The following RGS6 variants were observed in gnomAD, a reference collection of about 807,000 sequenced individuals.
RGS6 encodes regulator of G protein signaling 6.
A neutral mutation model predicts 78.5 loss-of-function variants in RGS6; 30 were observed. The observed-to-expected ratio is 0.38, with a 90% CI of 0.29 to 0.52. The LOEUF is 0.52. Among genes scored for constraint, RGS6 ranks in the 20% least tolerant of loss-of-function variants. The pLI, the probability that RGS6 is intolerant of heterozygous loss-of-function variation, is 0.85. For missense variants in RGS6, 495 were observed against 609.7 expected (o/e 0.81, Z 1.98); for synonymous variants, 206 against 206.0 (o/e 1.00, Z 0.00).
chr14:72,353,841 G>A lies in RGS6; in HGVS notation c.184+1647G>A, dbSNP rs1001857004. Among the ~76,000 whole-genome samples, 14 of 151,960 alleles carry A rather than the reference G, an allele frequency of 9.2e-5. 1 individual carries two copies. Among genetic ancestry groups the A allele is most frequent in the South Asian group, 4.2e-4 (2 of 4,810 alleles). On this transcript the variant is annotated intron_variant, in intron 3 of 17. Coordinates refer to ENST00000553525, the MANE Select transcript of RGS6 (RefSeq NM_001204424.2). The stretch of plus-strand genomic sequence containing the variant: ...TTACTAAAAAATACAAAAATTAGCC[G>A]GGCGTAGTGGTGCGTGCCTGTAGTC...
intron 2 of RGS6, among the ~76,000 whole-genome samples, chr14:72,277,056 A>G (rs1332887294): frequency 6.6e-6 from 1 of 152,200 alleles, no homozygotes; most frequent in Admixed American, 6.5e-5. Context: ...TTCAATCCAT[A>G]CATATTGAAT....
chr14:72,620,799 C>T, the RGS6 span, among the ~76,000 whole-genome samples: 3 of 152,242 alleles, frequency 2.0e-5, no homozygotes, highest in Admixed American at 1.3e-4. Flanking sequence ...CATTTAAATG[C>T]ATTTTCCTTT....
chr14:72,561,566 G>A (rs530678971), intron 17 of RGS6, among the ~76,000 whole-genome samples: 130 of 152,304 alleles, frequency 8.5e-4, no homozygotes, highest in African/African-American at 2.9e-3. Flanking sequence ...GTGCCCAGTC[G>A]CAACTCCCCT....
intron 1 of RGS6, among the ~76,000 whole-genome samples, chr14:71,934,854 G>C (rs916284563): frequency 3.9e-5 from 6 of 152,218 alleles, no homozygotes; most frequent in Non-Finnish European, 4.4e-5. Flanking sequence ...CTAAGACTTT[G>C]CCAGGAATTG....
At chr14:71,973,546 A>G (rs985576639) in intron 2 of RGS6, among the ~76,000 whole-genome samples, 1 of 152,102 alleles carries the variant, frequency 6.6e-6, no homozygotes, top group Non-Finnish European at 1.5e-5. Flanking sequence ...TTGGCCAGGC[A>G]TGGTGGCACA....
intron 2 of RGS6, among the ~76,000 whole-genome samples, chr14:72,184,015 T>C (rs1413233205): frequency 6.6e-6 from 1 of 152,226 alleles, no homozygotes; most frequent in East Asian, 1.9e-4. Flanking sequence ...TGGGTTTGAA[T>C]GTTCTGTAGT....
At position 72,564,340 on chromosome 14, in the gene RGS6, C is replaced by T. The variant is rs984866575; in HGVS notation, c.*1873C>T. On this transcript the variant is annotated 3_prime_UTR_variant, in exon 18 of 18. Transcript: ENST00000553525. ...TTCTTGCTGGACACCTGCACATGCT[C>T]AGCACAGAGGCTGGTACTTTGGAGG... is the stretch of plus-strand genomic sequence containing the variant. 1 of 152,284 alleles carries T rather than the reference C, an allele frequency of 6.6e-6. No homozygotes were observed. Among genetic ancestry groups the T allele is most frequent in the African/African-American group, 2.4e-5 (1 of 41,470 alleles). 9.4% of individuals were successfully genotyped at this position (152,284 alleles called of 1,614,324 possible).
At chr14:72,340,253 A>G (rs561252605) in intron 2 of RGS6, among the ~76,000 whole-genome samples, 1 of 152,306 alleles carries the variant, frequency 6.6e-6, no homozygotes, top group East Asian at 1.9e-4. Flanking sequence ...TCATGTGCTC[A>G]CTGGAGCAGT....
intron 2 of RGS6, among the ~76,000 whole-genome samples, chr14:72,148,051 A>T (rs1241720921): frequency 6.6e-6 from 1 of 150,546 alleles, no homozygotes; most frequent in East Asian, 2.0e-4. Context: ...GAATGGCATG[A>T]ACCTGGGAGG....
chr14:72,355,936 G>C (rs2139596), intron 3 of RGS6, among the ~76,000 whole-genome samples: 58,326 of 151,982 alleles, frequency 0.38, 13,522 homozygotes, highest in African/African-American at 0.66. Context: ...AAGAAAATAA[G>C]GAGAGTGGGG....
rs542852649 is a variant in RGS6 at position 72,566,289 on chromosome 14, C to T, written c.*3822C>T. On this transcript the variant is annotated 3_prime_UTR_variant, in exon 18 of 18. Coordinates refer to ENST00000553525, the MANE Select transcript of RGS6 (RefSeq NM_001204424.2). ...CAGGACTTGGCCCTCTCCCCAGCCC[C>T]GATGAGGGCTCAGAGCCAGCTGCTG... 4 of 152,324 alleles carry T rather than the reference C, an allele frequency of 2.6e-5. No individual in the cohort carries two copies. The highest frequency in any genetic ancestry group is 2.0e-4 in the Admixed American group (3 of 15,300). The allele number at this position is 152,324 out of a possible 1,614,324, so 9.4% of individuals were successfully genotyped here. A position where few individuals can be genotyped will look rare whatever the true frequency, so the allele number is the denominator to read the frequency against.
At chr14:72,170,055 A>G (rs1468547635) in intron 2 of RGS6, among the ~76,000 whole-genome samples, 1 of 152,156 alleles carries the variant, frequency 6.6e-6, no homozygotes, top group Non-Finnish European at 1.5e-5. Context: ...GCCTGTTTAG[A>G]TTGGTACATA....
chr14:72,624,923 C>T, the RGS6 span, among the ~76,000 whole-genome samples: 1 of 152,134 alleles, frequency 6.6e-6, no homozygotes, highest in Non-Finnish European at 1.5e-5. Flanking sequence ...GAAATTGAGG[C>T]CAGTACGTCT....
intron 3 of RGS6, among the ~76,000 whole-genome samples, chr14:72,451,339 C>T (rs1203013143): frequency 6.6e-6 from 1 of 152,182 alleles, no homozygotes; most frequent in African/African-American, 2.4e-5. Context: ...GTGATTTTCC[C>T]TTCTTTAGAA....
At chr14:72,382,623 A>G (rs2086483687) in intron 3 of RGS6, among the ~76,000 whole-genome samples, 1 of 152,238 alleles carries the variant, frequency 6.6e-6, no homozygotes, top group Non-Finnish European at 1.5e-5. Context: ...ACAATTGTGC[A>G]AGTGATTGAA....
At chr14:72,033,330 C>T (rs1391115166) in intron 2 of RGS6, among the ~76,000 whole-genome samples, 4 of 152,142 alleles carry the variant, frequency 2.6e-5, no homozygotes, top group Admixed American at 2.6e-4. Flanking sequence ...ATCCCCTGGG[C>T]TCAGGTAATC....
intron 2 of RGS6, among the ~76,000 whole-genome samples, chr14:72,350,403 C>T (rs1237910087): frequency 6.6e-6 from 1 of 152,170 alleles, no homozygotes; most frequent in Non-Finnish European, 1.5e-5. Flanking sequence ...TTAACCTCTG[C>T]AGTTGTCCCT....
intron 2 of RGS6, among the ~76,000 whole-genome samples, chr14:72,140,333 T>C (rs2096522327): frequency 6.6e-6 from 1 of 152,208 alleles, no homozygotes; most frequent in Non-Finnish European, 1.5e-5. Flanking sequence ...GAAAAATGCT[T>C]TATAATCATT....
intron 1 of RGS6, among the ~76,000 whole-genome samples, chr14:71,957,218 G>A (rs901999970): frequency 4.6e-5 from 7 of 152,176 alleles, no homozygotes; most frequent in South Asian, 4.1e-4. Flanking sequence ...TCTGAGAGGC[G>A]GAAGCTGGAG....
Sources: gnomAD v4.1 joint callset for allele counts (sites outside exome capture counted in the v4.1 genomes callset) on GRCh38, gnomAD v4.1.1 for gene constraint, MANE v1.5 for transcripts, NCBI Gene and HGNC (gene_info 2026-07-23, HGNC 2026-07-21) for gene names.